PRKG1: variants seen among roughly 807,000 people sequenced by gnomAD.
PRKG1 encodes the protein cGMP-dependent protein kinase 1.
In PRKG1, 35 loss-of-function variants were observed where a neutral mutation model predicts 88.1. The observed-to-expected ratio is 0.40, with a 90% CI of 0.30 to 0.53. The LOEUF is 0.53. Ranked by LOEUF, PRKG1 falls within the 20% of genes least tolerant of loss-of-function variation. The pLI, the probability that PRKG1 is intolerant of heterozygous loss-of-function variation, is 0.59. For synonymous variants in PRKG1, 303 were observed against 292.5 expected (o/e 1.04, Z -0.37); for missense variants, 540 against 839.8 (o/e 0.64, Z 4.41).
At chr10:52,259,395 GTA>G (rs573040504) in intron 10 of PRKG1, among the ~76,000 whole-genome samples, 388 of 152,080 alleles carry the variant, frequency 2.6e-3, no homozygotes, top group Middle Eastern at 0.017. Context: ...TAGTCCCTTT[GTA>G]TGTCTTAATT....
intron 5 of PRKG1, among the ~76,000 whole-genome samples, chr10:51,931,113 C>A (rs540279043): frequency 5.9e-5 from 9 of 152,218 alleles, no homozygotes; most frequent in African/African-American, 2.2e-4. Flanking sequence ...TAAGTTTCGT[C>A]TCTGCGCAGT....
chr10:51,563,167 C>T (rs1356687025), intron 3 of PRKG1, among the ~76,000 whole-genome samples: 2 of 152,050 alleles, frequency 1.3e-5, no homozygotes, highest in Non-Finnish European at 2.9e-5. Flanking sequence ...AACCAAAGAA[C>T]AGGCTAGGAA....
intron 4 of PRKG1, among the ~76,000 whole-genome samples, chr10:51,845,992 A>G (rs1031263763): frequency 1.3e-5 from 2 of 152,108 alleles, no homozygotes; most frequent in Non-Finnish European, 2.9e-5. Flanking sequence ...TTTCACCTTT[A>G]TGTCTTATTA....
chr10:52,064,165 G>A (rs1846302543), intron 7 of PRKG1, among the ~76,000 whole-genome samples: 1 of 151,328 alleles, frequency 6.6e-6, no homozygotes, highest in Non-Finnish European at 1.5e-5. Context: ...TAGGTGCCAG[G>A]GGCACCTGCA....
At chr10:51,034,671 TATATATATA>T (rs1843330554) in intron 1 of PRKG1, among the ~76,000 whole-genome samples, 23 of 44,414 alleles carry the variant, frequency 5.2e-4, no homozygotes, top group Admixed American at 1.3e-3. Context: ...ATGTTATTTA[TATATATATA>T]TATATATATA....
intron 9 of PRKG1, among the ~76,000 whole-genome samples, chr10:52,176,595 A>G (rs1257034328): frequency 6.6e-6 from 1 of 152,118 alleles, no homozygotes; most frequent in African/African-American, 2.4e-5. Flanking sequence ...CATTAAATCC[A>G]TAGATTGCTT....
intron 5 of PRKG1, among the ~76,000 whole-genome samples, chr10:51,946,461 G>A (rs1303237454): frequency 5.3e-5 from 8 of 152,054 alleles, no homozygotes; most frequent in African/African-American, 9.7e-5. Context: ...CTCTCAACTC[G>A]TCAAAGTCAT....
chr10:51,826,678 T>C (rs1839889189), intron 4 of PRKG1, among the ~76,000 whole-genome samples: 1 of 152,142 alleles, frequency 6.6e-6, no homozygotes, highest in African/African-American at 2.4e-5. Context: ...GGGAAAGGGT[T>C]TCTTTACAGA....
At chr10:52,151,016 AT>A (rs66744009) in intron 8 of PRKG1, among the ~76,000 whole-genome samples, 105,476 of 151,946 alleles carry the variant, frequency 0.69, 37,180 homozygotes, top group South Asian at 0.77. Context: ...TTTTGATAGG[AT>A]TTTTTTGCCA....
rs184273971 is a variant in PRKG1, at chr10:51,572,608, A to G, written c.592+104772A>G. 1.3e-3 allele frequency among the ~76,000 whole-genome samples: 201 copies of G among 152,018 alleles called. 1 individual carries two copies. Among genetic ancestry groups the G allele is most frequent in the Middle Eastern group, 6.8e-3 (2 of 294 alleles). ...TTCTGTAGGATCAGTATGACCTAAG[A>G]ACACATTAGAAATTCCAATTCCAGG... On this transcript the variant is annotated intron_variant, in intron 3 of 17. Transcript: ENST00000373980.
At chr10:51,014,826 A>G (rs1843037579) in intron 1 of PRKG1, among the ~76,000 whole-genome samples, 1 of 152,196 alleles carries the variant, frequency 6.6e-6, no homozygotes, top group African/African-American at 2.4e-5. Flanking sequence ...GTGACCTCAC[A>G]CTTACTTGTT....
At chr10:52,254,055 T>G (rs550110738) in intron 10 of PRKG1, among the ~76,000 whole-genome samples, 2 of 152,066 alleles carry the variant, frequency 1.3e-5, no homozygotes, top group Non-Finnish European at 2.9e-5. Context: ...TTTTGGGGTA[T>G]TAAAATATTA....
intron 4 of PRKG1, among the ~76,000 whole-genome samples, chr10:51,847,897 A>C (rs1231508566): frequency 7.4e-6 from 1 of 135,544 alleles, no homozygotes; most frequent in East Asian, 2.4e-4. Context: ...TCTGAACTCT[A>C]TTCTCTTGTC....
intron 3 of PRKG1, among the ~76,000 whole-genome samples, chr10:51,566,828 A>G (rs542367467): frequency 2.6e-5 from 4 of 152,086 alleles, no homozygotes; most frequent in Admixed American, 6.6e-5. Flanking sequence ...TTCTTTTAAT[A>G]TAAGTTCCCA....
chr10:51,327,468 CTT>C (rs1183288914), intron 2 of PRKG1, among the ~76,000 whole-genome samples: 1 of 151,364 alleles, frequency 6.6e-6, no homozygotes, highest in Admixed American at 6.6e-5. Context: ...ATGTGTTTCT[CTT>C]TTCTTTTTTA....
intron 3 of PRKG1, among the ~76,000 whole-genome samples, chr10:51,680,142 A>G (rs1840814368): frequency 6.6e-6 from 1 of 152,138 alleles, no homozygotes; most frequent in South Asian, 2.1e-4. Context: ...CCGCAGGCCA[A>G]TTCACCTCAG....
intron 9 of PRKG1, among the ~76,000 whole-genome samples, chr10:52,185,767 T>A (rs112152571): frequency 2.8e-3 from 428 of 152,324 alleles, no homozygotes; most frequent in African/African-American, 1.0e-2. Flanking sequence ...CTGCTGACTT[T>A]ACACCACAGG....
intron 3 of PRKG1, among the ~76,000 whole-genome samples, chr10:51,690,855 G>A (rs1841119086): frequency 6.7e-6 from 1 of 148,378 alleles, no homozygotes; most frequent in Non-Finnish European, 1.5e-5. Flanking sequence ...GAACCCGGGA[G>A]GCAGAGGTTG....
At chr10:51,267,942 G>T (rs747028354) in intron 2 of PRKG1, among the ~76,000 whole-genome samples, 2 of 152,074 alleles carry the variant, frequency 1.3e-5, no homozygotes, top group Non-Finnish European at 2.9e-5. Flanking sequence ...GCCAGATATC[G>T]GGCAAAATTC....
Sources: gnomAD v4.1 joint callset for allele counts (sites outside exome capture counted in the v4.1 genomes callset) on GRCh38, gnomAD v4.1.1 for gene constraint, MANE v1.5 for transcripts, NCBI Gene and HGNC (gene_info 2026-07-23, HGNC 2026-07-21) for gene names.